Variants in NAV2 observed in about 807,000 individuals in gnomAD.
NAV2 encodes helicase, APC down-regulated 1.
Under a neutral mutation model 223.2 loss-of-function variants are expected in NAV2, and 54 were observed. The ratio of observed to expected loss-of-function variants is 0.24; its 90% confidence interval spans 0.19 to 0.30. The LOEUF (loss-of-function observed/expected upper bound fraction) is 0.30. Ranked by LOEUF, NAV2 falls within the 10% of genes least tolerant of loss-of-function variation. NAV2 has a pLI of 1.00. For synonymous variants in NAV2, 1,279 were observed against 1,239.3 expected (o/e 1.03, Z -0.67); for missense variants, 2,806 against 3,147.5 (o/e 0.89, Z 2.60).
intron 1 of NAV2, among the ~76,000 whole-genome samples, chr11:19,428,430 G>A (rs532243296): frequency 7.9e-5 from 12 of 152,262 alleles, no homozygotes; most frequent in South Asian, 2.1e-4. Flanking sequence ...GCTCCTTGAC[G>A]CATTCAAGCT....
At chr11:19,485,548 G>A (rs1564976347) in intron 1 of NAV2, among the ~76,000 whole-genome samples, 1 of 152,042 alleles carries the variant, frequency 6.6e-6, no homozygotes, top group African/African-American at 2.4e-5. Flanking sequence ...CACTCCTTTG[G>A]GGAGACATAG....
rs571936689 is a variant in NAV2, at chr11:19,434,715, G to A, written c.75+83688G>A. ...AACTGGGAGGTGGAGTCAACACCTT[G>A]GCTTTGTTATAAATGAGACTTCAAA... On this transcript the variant is annotated intron_variant, in intron 1 of 37. Coordinates refer to the NAV2 transcript ENST00000360655. 2.6e-5 allele frequency among the ~76,000 whole-genome samples: 4 copies of A among 152,234 alleles called. No individual in the cohort carries two copies. The South Asian group carries it at 8.3e-4, about 32-fold the overall frequency.
intron 6 of NAV2, among the ~76,000 whole-genome samples, chr11:19,897,463 A>G (rs1275887744): frequency 6.6e-6 from 1 of 152,152 alleles, no homozygotes; most frequent in Admixed American, 6.5e-5. Context: ...GGGAAATCCT[A>G]AAGAATTTAT....
chr11:19,881,405 C>G (rs1403000726), intron 5 of NAV2, among the ~76,000 whole-genome samples: 1 of 152,110 alleles, frequency 6.6e-6, no homozygotes, highest in East Asian at 1.9e-4. Context: ...TCAGAGCTTC[C>G]CTGATGGACA....
chr11:19,615,075 G>A (rs1057146454), intron 1 of NAV2, among the ~76,000 whole-genome samples: 1 of 152,048 alleles, frequency 6.6e-6, no homozygotes, highest in African/African-American at 2.4e-5. Context: ...CTCAGAATGG[G>A]TACTTTATAC....
At chr11:19,652,666 T>C (rs1386690814) in intron 1 of NAV2, among the ~76,000 whole-genome samples, 5 of 152,216 alleles carry the variant, frequency 3.3e-5, no homozygotes, top group African/African-American at 1.2e-4. Flanking sequence ...TTATCCTCCA[T>C]GGCTGCCCTG....
At chr11:19,703,938 G>A (rs2049584226) in intron 1 of NAV2, among the ~76,000 whole-genome samples, 1 of 151,982 alleles carries the variant, frequency 6.6e-6, no homozygotes, top group Admixed American at 6.6e-5. Flanking sequence ...CAAAGCAAAG[G>A]GGAGGACCAC....
In NAV2 at chr11:19,846,126, C is replaced by T. The variant is rs535863624; in HGVS notation, c.438+3203C>T. On this transcript the variant is annotated intron_variant, in intron 3 of 37. Transcript: ENST00000349880. ...GAGTCTTGAAAGGTCAGAGAGTTCA[C>T]CACAAGAGATGATGGGTGGAAGAGG... is the stretch of plus-strand genomic sequence containing the variant. 1.8e-4 allele frequency among the ~76,000 whole-genome samples: 27 copies of T among 152,304 alleles called. No homozygotes were observed. The Middle Eastern group carries it at 0.01, about 58-fold the overall frequency.
Position 19,390,632 on chromosome 11 carries a change from T to C in NAV2, c.75+39605T>C, listed in dbSNP as rs554089503. The stretch of plus-strand genomic sequence containing the variant: ...GAATAGAGTGATTGGGTTGATGGAT[T>C]GTCTCATAACTGATGACCCCTCTGG... On this transcript the variant is annotated intron_variant, in intron 1 of 37. Coordinates refer to the NAV2 transcript ENST00000360655. 1.2e-4 allele frequency among the ~76,000 whole-genome samples: 19 copies of C among 152,300 alleles called. No individual in the cohort carries two copies. The South Asian group carries it at 3.9e-3, about 32-fold the overall frequency.
intron 19 of NAV2, chr11:20,056,487 A>G (rs962127847): frequency 1.5e-6 from 2 of 1,313,274 alleles, no homozygotes; most frequent in African/African-American, 1.4e-5. Flanking sequence ...GCTAACTGAG[A>G]ATATTTGGGG....
chr11:20,012,440 C>T (rs1237800301), intron 11 of NAV2, among the ~76,000 whole-genome samples: 1 of 152,094 alleles, frequency 6.6e-6, no homozygotes, highest in East Asian at 1.9e-4. Context: ...CTTTGGGAGG[C>T]CGAGGCAGGT....
At chr11:20,083,323 T>A in intron 26 of NAV2, 144 bp downstream of exon 26, 1 of 632,872 alleles carries the variant, frequency 1.6e-6, no homozygotes, top group African/African-American at 1.8e-5. Context: ...GTTCTTTCAA[T>A]GCTTTAGGAC....
chr11:19,680,796 G>A (rs376794367), intron 1 of NAV2, among the ~76,000 whole-genome samples: 1 of 152,220 alleles, frequency 6.6e-6, no homozygotes, highest in African/African-American at 2.4e-5. Flanking sequence ...ATAAAACACG[G>A]CTCTTCTGCT....
intron 1 of NAV2, chr11:19,506,344 A>G (rs1320666370): frequency 3.3e-5 from 5 of 152,272 alleles, no homozygotes; most frequent in Admixed American, 6.5e-5. Flanking sequence ...CCTGAGCTCA[A>G]GTCAGGCAGG....
intron 1 of NAV2, among the ~76,000 whole-genome samples, chr11:19,394,313 G>A (rs186522830): frequency 2.6e-5 from 4 of 152,104 alleles, no homozygotes; most frequent in Admixed American, 2.6e-4. Flanking sequence ...TTTATAATGG[G>A]GAAAAAATGC....
chr11:19,584,172 G>A (rs531098654), intron 1 of NAV2, among the ~76,000 whole-genome samples: 1 of 152,268 alleles, frequency 6.6e-6, no homozygotes, highest in African/African-American at 2.4e-5. Flanking sequence ...GCATAGAGGT[G>A]TTCATAATAT....
At chr11:19,814,047 T>A (rs550525672) in intron 1 of NAV2, among the ~76,000 whole-genome samples, 52 of 152,270 alleles carry the variant, frequency 3.4e-4, no homozygotes, top group South Asian at 1.0e-3. Flanking sequence ...CTTTTTTGTT[T>A]CATATGTCCG....
intron 1 of NAV2, among the ~76,000 whole-genome samples, chr11:19,793,893 A>T (rs1173780744): frequency 6.6e-6 from 1 of 152,122 alleles, no homozygotes; most frequent in Non-Finnish European, 1.5e-5. Flanking sequence ...GGCTCTTCAC[A>T]TGATGCTTCC....
chr11:19,385,917 A>G (rs541779001), intron 1 of NAV2, among the ~76,000 whole-genome samples: 1 of 151,994 alleles, frequency 6.6e-6, no homozygotes, highest in African/African-American at 2.4e-5. Flanking sequence ...GCCCGCCACC[A>G]TGCCTGGCTA....
Sources: gnomAD v4.1 joint callset for allele counts (sites outside exome capture counted in the v4.1 genomes callset) on GRCh38, gnomAD v4.1.1 for gene constraint, MANE v1.5 for transcripts, NCBI Gene and HGNC (gene_info 2026-07-23, HGNC 2026-07-21) for gene names.